NRXN3: variants seen among roughly 807,000 people sequenced by gnomAD.
NRXN3 encodes the protein neurexin III.
In NRXN3, 32 loss-of-function variants were observed where a neutral mutation model predicts 137.6. That is an observed-to-expected ratio of 0.23 (90% CI 0.18 to 0.31). NRXN3 has a LOEUF of 0.31. Among genes scored for constraint, NRXN3 ranks in the 10% least tolerant of loss-of-function variants. The pLI, the probability that NRXN3 is intolerant of heterozygous loss-of-function variation, is 1.00. For missense variants in NRXN3, 1,574 were observed against 2,062.5 expected (o/e 0.76, Z 4.59); for synonymous variants, 798 against 784.5 (o/e 1.02, Z -0.29).
chr14:79,180,460 A>G (rs957123206), intron 15 of NRXN3, among the ~76,000 whole-genome samples: 1 of 152,180 alleles, frequency 6.6e-6, no homozygotes, highest in East Asian at 1.9e-4. Context: ...TTTTGACAGT[A>G]TGTTTTCCAG....
intron 17 of NRXN3, among the ~76,000 whole-genome samples, chr14:79,674,904 A>T (rs1017521513): frequency 6.6e-6 from 1 of 152,110 alleles, no homozygotes; most frequent in Non-Finnish European, 1.5e-5. Flanking sequence ...AAAACTGTAT[A>T]TCCCAGAGGA....
intron 8 of NRXN3, among the ~76,000 whole-genome samples, chr14:78,785,540 T>C (rs1387637763): frequency 2.6e-5 from 4 of 152,172 alleles, no homozygotes; most frequent in African/African-American, 9.7e-5. Context: ...TGTGGGCTGG[T>C]AATATAATTT....
At chr14:79,068,166 C>G (rs1343161493) in intron 15 of NRXN3, among the ~76,000 whole-genome samples, 2 of 151,822 alleles carry the variant, frequency 1.3e-5, no homozygotes, top group Middle Eastern at 3.2e-3. Context: ...TTTTTATGTT[C>G]GATTCTCAGA....
intron 10 of NRXN3, among the ~76,000 whole-genome samples, chr14:78,954,700 C>T (rs113712843): frequency 1.3e-5 from 2 of 151,102 alleles, no homozygotes; most frequent in Non-Finnish European, 2.9e-5. Context: ...CTCCTGACCT[C>T]GTGATCTGCC....
chr14:79,542,018 T>G (rs186795747), intron 16 of NRXN3, among the ~76,000 whole-genome samples: 1 of 152,314 alleles, frequency 6.6e-6, no homozygotes, highest in East Asian at 1.9e-4. Flanking sequence ...AGGATAAAGT[T>G]GTAAATGATA....
At chr14:78,233,642 G>A (rs974188754) in intron 1 of NRXN3, among the ~76,000 whole-genome samples, 1 of 143,964 alleles carries the variant, frequency 6.9e-6, no homozygotes, top group Non-Finnish European at 1.5e-5. Context: ...TATCCTGGAG[G>A]GCAATAGAGA....
intron 10 of NRXN3, among the ~76,000 whole-genome samples, chr14:78,923,842 A>T (rs1326329645): frequency 6.6e-6 from 1 of 152,232 alleles, no homozygotes; most frequent in Non-Finnish European, 1.5e-5. Flanking sequence ...AACTGGGTTG[A>T]CATTAATTCC....
chr14:78,778,682 C>CT (rs1449037539), intron 8 of NRXN3, among the ~76,000 whole-genome samples: 4,818 of 72,778 alleles, frequency 0.066, 132 homozygotes, highest in South Asian at 0.12. Flanking sequence ...CTTTTCTTTT[C>CT]TTTCTTTCTT....
intron 15 of NRXN3, among the ~76,000 whole-genome samples, chr14:79,300,027 A>T (rs2084870746): frequency 6.6e-6 from 1 of 151,966 alleles, no homozygotes; most frequent in Non-Finnish European, 1.5e-5. Context: ...AGTTTAAGTC[A>T]CCCTAGTAAC....
intron 3 of NRXN3, among the ~76,000 whole-genome samples, chr14:78,283,711 G>A (rs749551679): frequency 7.2e-5 from 11 of 152,062 alleles, no homozygotes; most frequent in Non-Finnish European, 1.5e-4. Flanking sequence ...GTTCCACCAT[G>A]TTGGCCAGGC....
intron 15 of NRXN3, among the ~76,000 whole-genome samples, chr14:79,320,611 C>A (rs542562477): frequency 1.3e-5 from 2 of 152,256 alleles, no homozygotes; most frequent in South Asian, 4.1e-4. Context: ...ATTTAAAGTG[C>A]ACTGTATATT....
chr14:78,224,380 G>A (rs900755247), intron 1 of NRXN3, among the ~76,000 whole-genome samples: 8 of 151,654 alleles, frequency 5.3e-5, no homozygotes, highest in Admixed American at 2.6e-4. Flanking sequence ...ACCCATTAAC[G>A]CGTCATTTAG....
At chr14:78,917,798 A>T (rs754557625) in intron 10 of NRXN3, among the ~76,000 whole-genome samples, 6 of 152,098 alleles carry the variant, frequency 3.9e-5, no homozygotes, top group Non-Finnish European at 8.8e-5. Context: ...CCAGAAACCT[A>T]AGTGTGAAAA....
At chr14:78,633,413 C>T (rs61976117) in intron 4 of NRXN3, among the ~76,000 whole-genome samples, 9,285 of 152,118 alleles carry the variant, frequency 0.061, 346 homozygotes, top group Middle Eastern at 0.15. Flanking sequence ...ATCAGGTCAC[C>T]GATTTTTAAG....
chr14:79,395,546 C>T (rs963992420), intron 15 of NRXN3, among the ~76,000 whole-genome samples: 3 of 150,868 alleles, frequency 2.0e-5, no homozygotes, highest in African/African-American at 2.4e-5. Flanking sequence ...TGGTGGCTCA[C>T]GCCTGTAATC....
At chr14:78,689,060 C>T (rs2098146867) in intron 6 of NRXN3, among the ~76,000 whole-genome samples, 1 of 152,030 alleles carries the variant, frequency 6.6e-6, no homozygotes. Context: ...AATCTAAGAA[C>T]TGTGGAATAA....
chr14:79,278,139 A>T (rs1029776001), intron 15 of NRXN3, among the ~76,000 whole-genome samples: 12 of 152,130 alleles, frequency 7.9e-5, no homozygotes, highest in Non-Finnish European at 1.6e-4. Flanking sequence ...AGCTCCTTTT[A>T]AAAAAGCCTC....
At position 78,330,561 on chromosome 14, in the gene NRXN3, A is replaced by G. The variant is rs530472832; in HGVS notation, c.757+32701A>G. 7.2e-5 allele frequency among the ~76,000 whole-genome samples: 11 copies of G among 152,142 alleles called. No homozygotes were observed. The East Asian group carries it at 1.9e-3, about 27-fold the overall frequency. Reference sequence around the variant, plus strand: ...ACATTAATCTCAGAGCTAATCTAAAACTCAGGTTTTAAATTTTTGATTCCA... The same window carrying G: ...ACATTAATCTCAGAGCTAATCTAAAGCTCAGGTTTTAAATTTTTGATTCCA... On this transcript the variant is annotated intron_variant, in intron 4 of 20. Coordinates refer to ENST00000335750, the MANE Select transcript of NRXN3 (RefSeq NM_001330195.2).
intron 10 of NRXN3, among the ~76,000 whole-genome samples, chr14:78,911,922 G>T (rs1597295458): frequency 6.7e-6 from 1 of 149,118 alleles, no homozygotes; most frequent in Non-Finnish European, 1.5e-5. Context: ...TTATGTACAG[G>T]TTTTTTTTTT....
Sources: gnomAD v4.1 joint callset for allele counts (sites outside exome capture counted in the v4.1 genomes callset) on GRCh38, gnomAD v4.1.1 for gene constraint, MANE v1.5 for transcripts, NCBI Gene and HGNC (gene_info 2026-07-23, HGNC 2026-07-21) for gene names.